Variants in NEGR1 observed in about 807,000 individuals in gnomAD.
The protein encoded by NEGR1 is neuronal growth regulator 1.
In NEGR1, 10 loss-of-function variants were observed where a neutral mutation model predicts 40.9. That is an observed-to-expected ratio of 0.24 (90% CI 0.15 to 0.42). The LOEUF is 0.42. NEGR1 is among the 10% of genes least tolerant of loss of function. The pLI, the probability that NEGR1 is intolerant of heterozygous loss-of-function variation, is 1.00. For missense variants in NEGR1, 352 were observed against 438.9 expected (o/e 0.80, Z 1.77); for synonymous variants, 185 against 166.8 (o/e 1.11, Z -0.84).
chr1:71,436,230 A>C lies in NEGR1; in HGVS notation c.941-28660T>G, dbSNP rs1344529009. Among the ~76,000 whole-genome samples the C allele has an allele frequency of 3.4e-5, 4 of 118,836 alleles. 1 individual carries two copies. Among genetic ancestry groups the C allele is most frequent in the African/African-American group, 8.2e-5 (2 of 24,498 alleles). The allele number at this position is 118,836 out of a possible 152,430, so 78.0% of individuals were successfully genotyped here. A position where few individuals can be genotyped will look rare whatever the true frequency, so the allele number is the denominator to read the frequency against. ...TAATGAAAGAGATTGTGAATATGGC[A>C]AAAAAAAAAAAAGGTGGGGTATGAA... is the stretch of plus-strand genomic sequence containing the variant. On this transcript the variant is annotated intron_variant, in intron 6 of 6. Transcript: ENST00000357731.
Position 71,399,849 on chromosome 1 carries a change from T to A in NEGR1, c.*7597A>T, listed in dbSNP as rs1370697091. ...TACTTAGAAAACTATGGAAGAGTTCTGTGGCTCTTACTAGGTATTTTTAGA... is the reference window on the plus strand; with the variant it reads ...TACTTAGAAAACTATGGAAGAGTTCAGTGGCTCTTACTAGGTATTTTTAGA... On this transcript the variant is annotated 3_prime_UTR_variant, in exon 7 of 7. Transcript: ENST00000357731. 1 of 152,232 alleles carries A rather than the reference T, an allele frequency of 6.6e-6. No individual in the cohort carries two copies. Among genetic ancestry groups the A allele is most frequent in the African/African-American group, 2.4e-5 (1 of 41,460 alleles). The allele number at this position is 152,232 out of a possible 1,614,324, so 9.4% of individuals were successfully genotyped here.
At chr1:71,551,947 T>C (rs1211179262) in intron 6 of NEGR1, among the ~76,000 whole-genome samples, 4 of 151,544 alleles carry the variant, frequency 2.6e-5, no homozygotes, top group Non-Finnish European at 5.9e-5. Context: ...AATAGTCTTT[T>C]TTCTTCTTCT....
chr1:71,926,095 T>C (rs2101887518), intron 2 of NEGR1, among the ~76,000 whole-genome samples: 1 of 152,292 alleles, frequency 6.6e-6, no homozygotes, highest in South Asian at 2.1e-4. Flanking sequence ...TATCAAACTC[T>C]GTGCTTCAGG....
chr1:71,560,722 T>G (rs1490192197), intron 6 of NEGR1, among the ~76,000 whole-genome samples: 2 of 151,236 alleles, frequency 1.3e-5, no homozygotes, highest in Admixed American at 6.6e-5. Flanking sequence ...CAGCCAAGAT[T>G]CTAAAAGCCA....
chr1:71,630,929 G>A (rs2101564193), intron 4 of NEGR1, among the ~76,000 whole-genome samples: 1 of 151,878 alleles, frequency 6.6e-6, no homozygotes, highest in East Asian at 1.9e-4. Flanking sequence ...TAATTCTAAT[G>A]TGCATTTTAT....
At chr1:71,525,466 G>T (rs1275521750) in intron 6 of NEGR1, among the ~76,000 whole-genome samples, 1 of 151,616 alleles carries the variant, frequency 6.6e-6, no homozygotes, top group African/African-American at 2.4e-5. Context: ...ATAAAGATAG[G>T]TATTTCAATT....
intron 1 of NEGR1, among the ~76,000 whole-genome samples, chr1:71,939,006 C>G (rs1013764494): frequency 1.3e-5 from 2 of 152,032 alleles, no homozygotes; most frequent in African/African-American, 4.8e-5. Flanking sequence ...TGATAGTAGT[C>G]AACACAGCCT....
At chr1:71,597,466 C>CTGTGTGTGTGTGTG (rs1460180034) in intron 5 of NEGR1, among the ~76,000 whole-genome samples, 1 of 17,970 alleles carries the variant, frequency 5.6e-5, no homozygotes, top group African/African-American at 7.4e-5. Context: ...CTCTCTCTCT[C>CTGTGTGTGTGTGTG]TCTCTCTGTG....
chr1:71,983,380 G>T (rs1390954387), intron 1 of NEGR1, among the ~76,000 whole-genome samples: 2 of 152,044 alleles, frequency 1.3e-5, no homozygotes, highest in African/African-American at 4.8e-5. Context: ...TTTCCTGAGA[G>T]AAAAATCAGA....
intron 1 of NEGR1, among the ~76,000 whole-genome samples, chr1:72,147,104 G>C (rs772473690): frequency 3.5e-4 from 53 of 152,240 alleles, no homozygotes; most frequent in South Asian, 1.2e-3. Context: ...CTTTGTGTTT[G>C]TATGTATCGG....
intron 6 of NEGR1, among the ~76,000 whole-genome samples, chr1:71,578,522 A>G (rs983470366): frequency 6.6e-6 from 1 of 152,124 alleles, no homozygotes; most frequent in Non-Finnish European, 1.5e-5. Context: ...TCTAATCACA[A>G]GACAAGGTGT....
intron 2 of NEGR1, among the ~76,000 whole-genome samples, chr1:71,915,896 A>G (rs1013825325): frequency 2.6e-5 from 4 of 152,238 alleles, no homozygotes; most frequent in Non-Finnish European, 4.4e-5. Flanking sequence ...TTAACAAGTA[A>G]CAGACTATGA....
chr1:71,628,383 C>T (rs900952939), intron 4 of NEGR1, among the ~76,000 whole-genome samples: 5 of 151,908 alleles, frequency 3.3e-5, no homozygotes, highest in African/African-American at 1.2e-4. Flanking sequence ...TAAAATATTA[C>T]AGTTTTATGA....
chr1:72,023,565 A>G (rs1192993254), intron 1 of NEGR1, among the ~76,000 whole-genome samples: 1 of 151,536 alleles, frequency 6.6e-6, no homozygotes, highest in Admixed American at 6.6e-5. Context: ...AGATTAGAAA[A>G]TATCTTGTAA....
At chr1:71,605,525 C>A (rs1650050753) in intron 5 of NEGR1, among the ~76,000 whole-genome samples, 1 of 152,158 alleles carries the variant, frequency 6.6e-6, no homozygotes, top group South Asian at 2.1e-4. Context: ...TATTACAATT[C>A]ATGTTTTTAG....
intron 4 of NEGR1, among the ~76,000 whole-genome samples, chr1:71,677,113 G>A (rs1652666996): frequency 6.6e-6 from 1 of 152,068 alleles, no homozygotes; most frequent in Non-Finnish European, 1.5e-5. Context: ...GATAATATAT[G>A]TAGGCTGTTT....
chr1:71,665,172 G>T (rs1261905016), intron 4 of NEGR1, among the ~76,000 whole-genome samples: 1 of 152,078 alleles, frequency 6.6e-6, no homozygotes, highest in Non-Finnish European at 1.5e-5. Flanking sequence ...AAAAGTAAAA[G>T]TATAATATTC....
At chr1:72,172,391 C>T (rs1651995556) in intron 1 of NEGR1, among the ~76,000 whole-genome samples, 1 of 152,024 alleles carries the variant, frequency 6.6e-6, no homozygotes, top group Admixed American at 6.6e-5. Flanking sequence ...CCTTAAAAGA[C>T]ACTTTTAAAA....
chr1:71,510,619 C>A lies in NEGR1; in HGVS notation c.940+82198G>T, dbSNP rs188419854. Among the ~76,000 whole-genome samples the A allele has an allele frequency of 1.4e-3, 206 of 152,146 alleles. 1 individual carries two copies. Among genetic ancestry groups the A allele is most frequent in the East Asian group, 5.8e-4 (3 of 5,144 alleles). Reference sequence around the variant, plus strand: ...AAGCAGAGAAGGGGATGGGGTATAACCTTATGGGGGGATAATGAAACTTAG... The same window carrying A: ...AAGCAGAGAAGGGGATGGGGTATAAACTTATGGGGGGATAATGAAACTTAG... On this transcript the variant is annotated intron_variant, in intron 6 of 6. Coordinates refer to ENST00000357731, the MANE Select transcript of NEGR1 (RefSeq NM_173808.3).
Sources: gnomAD v4.1 joint callset for allele counts (sites outside exome capture counted in the v4.1 genomes callset) on GRCh38, gnomAD v4.1.1 for gene constraint, MANE v1.5 for transcripts, NCBI Gene and HGNC (gene_info 2026-07-23, HGNC 2026-07-21) for gene names.